CERS4: variants seen among roughly 807,000 people sequenced by gnomAD.
CERS4 encodes LAG1 homolog, ceramide synthase 4.
In CERS4, 65 loss-of-function variants were observed where a neutral mutation model predicts 51.8. The ratio of observed to expected loss-of-function variants is 1.26; its 90% CI spans 1.03 to 1.54. The LOEUF is 1.54. Ranked by LOEUF, CERS4 falls within the 40% of genes most tolerant of loss-of-function variation. The probability of loss-of-function intolerance (pLI) is 0.00; values close to 1 mark genes in which losing one functional copy is unlikely to be tolerated. For missense variants in CERS4, 563 were observed against 500.4 expected, an observed-to-expected ratio of 1.13 and a Z score of -1.19; for synonymous variants, 228 against 208.4, an observed-to-expected ratio of 1.09 and a Z score of -0.81.
At chr19:8,211,198 G>A (rs957834221) in intron 2 of CERS4, among the ~76,000 whole-genome samples, 3 of 152,126 alleles carry the variant, frequency 2.0e-5, no homozygotes, top group Admixed American at 6.6e-5. Context: ...CCCAGTGCGT[G>A]GCACAGAATG....
chr19:8,235,575 AAAAT>A (rs1276330446), intron 2 of CERS4, among the ~76,000 whole-genome samples: 3 of 150,286 alleles, frequency 2.0e-5, no homozygotes, highest in Non-Finnish European at 3.0e-5. Flanking sequence ...ACCCTGTCAA[AAAAT>A]AAATAAAAAA....
intron 2 of CERS4, among the ~76,000 whole-genome samples, chr19:8,237,805 T>C (rs532015979): frequency 1.1e-4 from 17 of 151,668 alleles, no homozygotes; most frequent in Admixed American, 2.0e-4. Flanking sequence ...GAGCCGAGAT[T>C]GCGCCACTGC....
chr19:8,258,912 T>C (rs1969533772), intron 10 of CERS4, among the ~76,000 whole-genome samples: 1 of 151,650 alleles, frequency 6.6e-6, no homozygotes, highest in Admixed American at 6.6e-5. Flanking sequence ...GGTGGCTGGA[T>C]CACCTGAGGT....
intron 2 of CERS4, among the ~76,000 whole-genome samples, chr19:8,244,725 C>A (rs762369683): frequency 1.3e-5 from 2 of 152,136 alleles, no homozygotes; most frequent in Non-Finnish European, 2.9e-5. Flanking sequence ...CCCTCACATT[C>A]TCCTGCTGGG....
At chr19:8,250,921 G>C (rs1433128179) in intron 2 of CERS4, 155 bp from the exon 3 acceptor site, 5 of 1,456,998 alleles carry the variant, frequency 3.4e-6, no homozygotes, top group Admixed American at 2.6e-5. Context: ...AAAGTCCCAG[G>C]CAAGGGGAGT....
chr19:8,245,126 A>ACAAAAAAAAAC (rs1555777241), intron 2 of CERS4, among the ~76,000 whole-genome samples: 18 of 148,222 alleles, frequency 1.2e-4, no homozygotes, highest in South Asian at 2.1e-4. Context: ...AAAAAAAAAA[A>ACAAAAAAAAAC]AAAAAAAAAC....
intron 2 of CERS4, among the ~76,000 whole-genome samples, chr19:8,235,838 A>G (rs1267590875): frequency 6.6e-6 from 1 of 151,754 alleles, no homozygotes; most frequent in African/African-American, 2.4e-5. Flanking sequence ...TGAGGCTGCA[A>G]TGAGCTGTGA....
intron 2 of CERS4, among the ~76,000 whole-genome samples, chr19:8,215,101 G>A (rs2145160232): frequency 6.6e-6 from 1 of 152,116 alleles, no homozygotes; most frequent in East Asian, 1.9e-4. Context: ...GAGGAGCCAG[G>A]ACGTTCTCAG....
At chr19:8,230,983 G>C (rs1364677940) in intron 2 of CERS4, among the ~76,000 whole-genome samples, 1 of 152,094 alleles carries the variant, frequency 6.6e-6, no homozygotes, top group Non-Finnish European at 1.5e-5. Flanking sequence ...GGGACTACAG[G>C]CTTATGCCAC....
chr19:8,216,250 G>A (rs566573021), intron 2 of CERS4, among the ~76,000 whole-genome samples: 1 of 151,880 alleles, frequency 6.6e-6, no homozygotes, highest in Admixed American at 6.6e-5. Context: ...GTGGTGGTGG[G>A]CGCCTGTAAT....
intron 2 of CERS4, among the ~76,000 whole-genome samples, chr19:8,237,002 C>CAAAAAA (rs781273995): frequency 8.9e-5 from 4 of 44,964 alleles, no homozygotes; most frequent in Non-Finnish European, 1.6e-4. Flanking sequence ...GACTCTGTCT[C>CAAAAAA]AAAAAAAAAA....
rs751783919 is a variant in CERS4, at chr19:8,256,711, G to T, written c.612+1G>T. ...GCTGCCCTTTGATGTCAAGCGCAAG[G>T]TGAGGCCAAATAAGAGTCTGGAAGA... On this transcript the variant is annotated splice_donor_variant, in intron 8 of 11. Coordinates refer to ENST00000251363, the MANE Select transcript of CERS4 (RefSeq NM_024552.3). LOFTEE classifies it high-confidence loss of function. 2.3e-5 allele frequency: 37 copies of T among 1,612,378 alleles called. No individual in the cohort carries two copies. The highest frequency in any genetic ancestry group is 3.1e-5 in the Non-Finnish European group (37 of 1,179,316).
chr19:8,216,240 G>T (rs1045201050), intron 2 of CERS4, among the ~76,000 whole-genome samples: 1 of 151,908 alleles, frequency 6.6e-6, no homozygotes, highest in Non-Finnish European at 1.5e-5. Flanking sequence ...TTAGCCAGGC[G>T]TGGTGGTGGG....
rs552958398 is a variant in CERS4, at chr19:8,215,546, C to G, written c.-2+4684C>G. Among the ~76,000 whole-genome samples the G allele has an allele frequency of 2.0e-5, 3 of 151,968 alleles. No individual in the cohort carries two copies. The East Asian group carries it at 5.8e-4, about 29-fold the overall frequency. ...GATGGGCCAGCCTCTAGCCTGCAGTCGCTCCCTTCCCAGGCAAAAGAGAGA... is the reference window on the plus strand; with the variant it reads ...GATGGGCCAGCCTCTAGCCTGCAGTGGCTCCCTTCCCAGGCAAAAGAGAGA... On this transcript the variant is annotated intron_variant, in intron 2 of 11. Coordinates refer to ENST00000251363, the MANE Select transcript of CERS4 (RefSeq NM_024552.3).
chr19:8,242,582 C>CA (rs1171194172), intron 2 of CERS4, among the ~76,000 whole-genome samples: 2 of 152,092 alleles, frequency 1.3e-5, no homozygotes, highest in Non-Finnish European at 2.9e-5. Context: ...GGGCTGCTTT[C>CA]AGGAGGAGGT....
At chr19:8,213,574 C>T (rs1336726156) in intron 2 of CERS4, among the ~76,000 whole-genome samples, 1 of 152,140 alleles carries the variant, frequency 6.6e-6, no homozygotes, top group African/African-American at 2.4e-5. Flanking sequence ...TCCCAAAGCA[C>T]TAGGATTATA....
intron 4 of CERS4, 32 bp from the exon 5 acceptor site, chr19:8,255,575 T>G: frequency 6.3e-7 from 1 of 1,582,466 alleles, no homozygotes; most frequent in Non-Finnish European, 8.6e-7. Context: ...ACAGGGCCTC[T>G]GTGACCCTTG....
chr19:8,224,436 A>G (rs1372506140), intron 2 of CERS4, among the ~76,000 whole-genome samples: 2 of 151,394 alleles, frequency 1.3e-5, no homozygotes, highest in Non-Finnish European at 2.9e-5. Flanking sequence ...TTGTTGCCCC[A>G]AAAGTTCTGA....
Position 8,257,931 on chromosome 19 carries a change from T to G in CERS4, c.794T>G (p.Phe265Cys), listed in dbSNP as rs759668260. Residue 265 changes from phenylalanine (F) to cysteine (C), a missense_variant, in exon 10 of 12, where the codon TTC (phenylalanine) becomes TGC (cysteine). By Grantham distance (205) the Phe-to-Cys change is radical. Transcript: ENST00000251363. ...TATCAGCAAGTGTGCGACGCTCTCT[T>G]CCTCATCTTCTCCTTTGTCTTCTTC... ...MQYQQVCDAL[F>C]LIFSFVFFYT... The G allele has an allele frequency of 8.7e-6, 14 of 1,613,962 alleles. No individual in the cohort carries two copies. The highest frequency in any genetic ancestry group is 1.7e-5 in the Admixed American group (1 of 59,994).
Sources: allele counts gnomAD v4.1 joint callset (sites outside exome capture counted in the v4.1 genomes callset), GRCh38; gene constraint gnomAD v4.1.1; transcripts MANE v1.5; gene names NCBI Gene and HGNC (gene_info 2026-07-23, HGNC 2026-07-21).